DIPK1A: variants seen among roughly 807,000 people sequenced by gnomAD.
DIPK1A encodes divergent protein kinase domain 1A.
Under a neutral mutation model 40.8 loss-of-function variants are expected in DIPK1A, and 27 were observed. The observed-to-expected ratio is 0.66, with a 90% CI of 0.49 to 0.91. The LOEUF is 0.91. DIPK1A is among the 40% of genes least tolerant of loss of function. DIPK1A has a pLI of 0.00. For synonymous variants in DIPK1A, 166 were observed against 171.3 expected (o/e 0.97, Z 0.24); for missense variants, 412 against 505.7 (o/e 0.81, Z 1.78).
At chr1:92,918,332 A>G (rs1322222407) in intron 1 of DIPK1A, among the ~76,000 whole-genome samples, 2 of 152,056 alleles carry the variant, frequency 1.3e-5, no homozygotes, top group African/African-American at 4.8e-5. Context: ...GTATTTCTGT[A>G]GAGATAGAGT....
chr1:92,881,007 C>G (rs1648345312), intron 1 of DIPK1A, among the ~76,000 whole-genome samples: 1 of 150,952 alleles, frequency 6.6e-6, no homozygotes. Flanking sequence ...CTGGCCAACA[C>G]ACTGAAACCC....
chr1:92,890,868 G>A (rs1465692919), intron 1 of DIPK1A, among the ~76,000 whole-genome samples: 1 of 152,120 alleles, frequency 6.6e-6, no homozygotes, highest in Non-Finnish European at 1.5e-5. Flanking sequence ...TCAGTTTTCT[G>A]GGAGAGTTTG....
At position 92,957,985 on chromosome 1, in the gene DIPK1A, T is replaced by C. The variant is rs537164568; in HGVS notation, c.54+3391A>G. Among the ~76,000 whole-genome samples, 8 of 152,352 alleles carry C rather than the reference T, an allele frequency of 5.3e-5. No homozygotes were observed. The South Asian group carries it at 1.4e-3, about 28-fold the overall frequency. ...TATGAATGAAATAATACGTGATCTT[T>C]TGTGACTAGTTTCATATATTTAATG... On this transcript the variant is annotated intron_variant, in intron 1 of 4. Coordinates refer to ENST00000370310, the MANE Select transcript of DIPK1A (RefSeq NM_001006605.5).
intron 1 of DIPK1A, among the ~76,000 whole-genome samples, chr1:92,927,200 T>G (rs970008400): frequency 1.3e-5 from 2 of 152,140 alleles, no homozygotes; most frequent in African/African-American, 4.8e-5. Flanking sequence ...GTTGTTGTTT[T>G]GAAACAAGGT....
chr1:92,860,858 T>C (rs1179497137), intron 2 of DIPK1A, among the ~76,000 whole-genome samples: 1 of 152,166 alleles, frequency 6.6e-6, no homozygotes, highest in Non-Finnish European at 1.5e-5. Context: ...GTTTCATGAT[T>C]GCTTGAAAAT....
intron 1 of DIPK1A, chr1:92,933,979 C>A (rs2100877979): frequency 6.6e-6 from 1 of 152,212 alleles, no homozygotes; most frequent in African/African-American, 2.4e-5. Flanking sequence ...CTAGGCCCTT[C>A]TGGATTAGGA....
chr1:92,867,593 C>A (rs1647614882), intron 2 of DIPK1A, among the ~76,000 whole-genome samples: 1 of 152,170 alleles, frequency 6.6e-6, no homozygotes, highest in Non-Finnish European at 1.5e-5. Context: ...GCAACCTCTG[C>A]CTCCCAGGTT....
At chr1:92,848,474 G>A (rs1333186147) in intron 3 of DIPK1A, among the ~76,000 whole-genome samples, 1 of 152,062 alleles carries the variant, frequency 6.6e-6, no homozygotes, top group Non-Finnish European at 1.5e-5. Context: ...ACTTGCTGCT[G>A]GCTCTGCCTG....
chr1:92,896,672 A>G (rs1275416583), intron 1 of DIPK1A, among the ~76,000 whole-genome samples: 1 of 151,908 alleles, frequency 6.6e-6, no homozygotes, highest in Non-Finnish European at 1.5e-5. Context: ...AATTAAACTA[A>G]AGAGCTTCTG....
chr1:92,914,379 A>C (rs1440178883), intron 1 of DIPK1A, among the ~76,000 whole-genome samples: 1 of 152,090 alleles, frequency 6.6e-6, no homozygotes, highest in Non-Finnish European at 1.5e-5. Context: ...GCTTCCCCTT[A>C]AAGTGGAAAT....
intron 4 of DIPK1A, chr1:92,833,685 C>T: frequency 6.4e-7 from 1 of 1,567,172 alleles, no homozygotes; most frequent in African/African-American, 1.4e-5. Flanking sequence ...AGACAGTCCC[C>T]TTTTTTTATT....
intron 1 of DIPK1A, among the ~76,000 whole-genome samples, chr1:92,892,175 A>G (rs1648918142): frequency 1.3e-5 from 2 of 152,044 alleles, no homozygotes; most frequent in South Asian, 2.1e-4. Context: ...CTCCCAGCAC[A>G]CAGCTTGAGA....
At chr1:92,839,770 A>G (rs1402851129), downstream of DIPK1A, among the ~76,000 whole-genome samples, 2 of 152,192 alleles carry the variant, frequency 1.3e-5, no homozygotes, top group African/African-American at 4.8e-5. Flanking sequence ...TGCAGACAAA[A>G]ATTTGATTTA....
chr1:92,845,829 C>T lies in DIPK1A; in HGVS notation c.474+1354G>A, dbSNP rs545977029. 2.4e-4 allele frequency among the ~76,000 whole-genome samples: 26 copies of T among 107,646 alleles called. 1 individual carries two copies. Among genetic ancestry groups the T allele is most frequent in the Admixed American group, 1.6e-3 (16 of 9,700 alleles). 70.6% of individuals were successfully genotyped at this position (107,646 alleles called of 152,430 possible). On this transcript the variant is annotated intron_variant, in intron 4 of 4. Coordinates refer to ENST00000370310, the MANE Select transcript of DIPK1A (RefSeq NM_001006605.5). ...CAGCCTGGGCAACAGAGCGAGACTC[C>T]GTCTAAAAAAAAAAAAAATTAGCCA...
chr1:92,849,354 T>G (rs2391181), intron 3 of DIPK1A, among the ~76,000 whole-genome samples: 89,108 of 150,428 alleles, frequency 0.59, 27,582 homozygotes, highest in East Asian at 0.95. Flanking sequence ...TTTTGTTTTT[T>G]TTTTTTTTTT....
intron 1 of DIPK1A, among the ~76,000 whole-genome samples, chr1:92,918,711 C>G (rs1650151367): frequency 6.6e-6 from 1 of 152,144 alleles, no homozygotes; most frequent in Admixed American, 6.5e-5. Context: ...TCTAAACGAG[C>G]AGTCCCCAAA....
At chr1:92,850,584 G>A (rs1184716436) in intron 3 of DIPK1A, among the ~76,000 whole-genome samples, 1 of 152,198 alleles carries the variant, frequency 6.6e-6, no homozygotes, top group Non-Finnish European at 1.5e-5. Context: ...GGGAGGCTGA[G>A]GTGGGAGGCT....
At chr1:92,939,370 A>G (rs1557493491) in intron 1 of DIPK1A, among the ~76,000 whole-genome samples, 1 of 151,976 alleles carries the variant, frequency 6.6e-6, no homozygotes, top group East Asian at 1.9e-4. Flanking sequence ...GCTATAGGCC[A>G]TTTTTGCATT....
chr1:92,851,922 C>T (rs2100729235), intron 2 of DIPK1A, among the ~76,000 whole-genome samples: 1 of 152,234 alleles, frequency 6.6e-6, no homozygotes, highest in Non-Finnish European at 1.5e-5. Flanking sequence ...CTATTTGGCA[C>T]CATGAAATAG....
Sources: gnomAD v4.1 joint callset for allele counts (sites outside exome capture counted in the v4.1 genomes callset) on GRCh38, gnomAD v4.1.1 for gene constraint, MANE v1.5 for transcripts, NCBI Gene and HGNC (gene_info 2026-07-23, HGNC 2026-07-21) for gene names.